TMC7: variants seen among roughly 807,000 people sequenced by gnomAD.
The protein encoded by TMC7 is transmembrane channel like 7.
TMC7 carries 54 observed loss-of-function variants against 82.9 expected under a neutral mutation model. The ratio of observed to expected loss-of-function variants is 0.65; its 90% confidence interval spans 0.52 to 0.82. The LOEUF (loss-of-function observed/expected upper bound fraction) is 0.82, where lower values mean the gene tolerates loss of function less well. Ranked by LOEUF, TMC7 falls within the 40% of genes least tolerant of loss-of-function variation. TMC7 has a pLI of 0.00. For missense variants in TMC7, 820 were observed against 901.2 expected, an observed-to-expected ratio of 0.91 and a Z score of 1.15; for synonymous variants, 350 against 337.9, an observed-to-expected ratio of 1.04 and a Z score of -0.39.
chr16:18,984,037 A>C lies in TMC7; in HGVS notation c.-27A>C. The C allele has an allele frequency of 5.5e-6, 8 of 1,448,054 alleles. No homozygotes were observed. Among genetic ancestry groups the C allele is most frequent in the Non-Finnish European group, 7.2e-6 (8 of 1,107,218 alleles). The allele number at this position is 1,448,054 out of a possible 1,614,324, so 89.7% of individuals were successfully genotyped here. On this transcript the variant is annotated 5_prime_UTR_variant, in exon 1 of 16. Coordinates refer to ENST00000304381, the MANE Select transcript of TMC7 (RefSeq NM_024847.4). ...GCGGCGGCTGGAGAGGGTCCTCGGC[A>C]GCCTCTGAGGAGCGCGGGGCGCGGC...
intron 14 of TMC7, among the ~76,000 whole-genome samples, chr16:19,058,524 C>G (rs1416698736): frequency 6.6e-6 from 1 of 152,178 alleles, no homozygotes; most frequent in Non-Finnish European, 1.5e-5. Flanking sequence ...TAATTACATG[C>G]TCAGCTGACT....
At chr16:19,025,172 A>G (rs1052751597) in intron 5 of TMC7, among the ~76,000 whole-genome samples, 4 of 152,042 alleles carry the variant, frequency 2.6e-5, no homozygotes, top group African/African-American at 9.7e-5. Context: ...CCCTCTTCCA[A>G]CTCTGACAAC....
chr16:19,047,271 G>A (rs1961319611), intron 12 of TMC7, 22 bp downstream of exon 12: 1 of 1,608,546 alleles, frequency 6.2e-7, no homozygotes, highest in South Asian at 1.1e-5. Context: ...GTGGGAATGG[G>A]GGCTCATATA....
chr16:19,035,060 G>A (rs530560357), intron 6 of TMC7, among the ~76,000 whole-genome samples: 2 of 152,294 alleles, frequency 1.3e-5, no homozygotes, highest in Admixed American at 6.6e-5. Context: ...TAAAGAAAAT[G>A]TGGTACACAT....
chr16:19,061,648 C>T, intron 15 of TMC7, 130 bp from the exon 16 acceptor site: 2 of 693,462 alleles, frequency 2.9e-6, no homozygotes, highest in Non-Finnish European at 4.8e-6. Flanking sequence ...GGAGCAGACA[C>T]AATGACAGAC....
chr16:19,003,584 T>C (rs2039180943), intron 1 of TMC7, among the ~76,000 whole-genome samples: 1 of 146,384 alleles, frequency 6.8e-6, no homozygotes, highest in Non-Finnish European at 1.5e-5. Flanking sequence ...CTTTGTGGAA[T>C]AGAAAGGCGG....
At chr16:19,061,752 G>A (rs753133989) in intron 15 of TMC7, 26 bp from the exon 16 acceptor site, 6 of 1,598,948 alleles carry the variant, frequency 3.8e-6, no homozygotes, top group South Asian at 1.1e-5. Context: ...TATATTAAAT[G>A]TACATGTGAA....
intron 1 of TMC7, among the ~76,000 whole-genome samples, chr16:18,990,708 A>G (rs1596712518): frequency 6.6e-6 from 1 of 152,096 alleles, no homozygotes; most frequent in South Asian, 2.1e-4. Flanking sequence ...TCGGGGCAGG[A>G]GGTGGATCTC....
intron 1 of TMC7, among the ~76,000 whole-genome samples, chr16:18,999,282 G>A (rs771370405): frequency 5.9e-5 from 9 of 152,186 alleles, no homozygotes; most frequent in Non-Finnish European, 1.3e-4. Context: ...TTATAGGCAT[G>A]AGCCACTGCA....
intron 12 of TMC7, among the ~76,000 whole-genome samples, chr16:19,047,817 G>A (rs1264345499): frequency 6.7e-6 from 1 of 149,468 alleles, no homozygotes; most frequent in Non-Finnish European, 1.5e-5. Context: ...AGGTTCGAGC[G>A]ATTCTCCTGC....
chr16:19,034,964 C>T (rs553756924), intron 6 of TMC7, among the ~76,000 whole-genome samples: 2 of 152,036 alleles, frequency 1.3e-5, no homozygotes, highest in African/African-American at 4.8e-5. Context: ...ACCAAAAAGA[C>T]ATATGCACTC....
rs1300551359 is a variant in TMC7 at position 19,063,771 on chromosome 16, ATTAAT to A, written c.*1931_*1935del. 4 of 152,130 alleles carry A rather than the reference ATTAAT, an allele frequency of 2.6e-5. No homozygotes were observed. In the South Asian group the frequency reaches 6.2e-4, roughly 24 times the overall value. 9.4% of individuals were successfully genotyped at this position (152,130 alleles called of 1,614,324 possible). A position where few individuals can be genotyped will look rare whatever the true frequency, so the allele number is the denominator to read the frequency against. ...GATACTGAAATATGCTAATTAATAT[ATTAAT>A]TTTAGTTAAATGCTGCTAATATGCA... On this transcript the variant is annotated 3_prime_UTR_variant, in exon 16 of 16. Transcript: ENST00000304381.
At chr16:19,056,830 A>G in intron 14 of TMC7, 133 bp downstream of exon 14, 4 of 1,054,234 alleles carry the variant, frequency 3.8e-6, no homozygotes, top group Non-Finnish European at 5.4e-6. Flanking sequence ...CCATCTCTAA[A>G]ATGGGCATAA....
intron 9 of TMC7, among the ~76,000 whole-genome samples, chr16:19,042,701 G>T (rs34868171): frequency 0.31 from 46,361 of 150,560 alleles, 7,324 homozygotes; most frequent in Non-Finnish European, 0.34. Flanking sequence ...GTAGAGATGG[G>T]CTTTCACCAT....
chr16:18,994,861 C>T (rs561475523), intron 1 of TMC7, among the ~76,000 whole-genome samples: 29 of 152,138 alleles, frequency 1.9e-4, no homozygotes, highest in Admixed American at 8.5e-4. Flanking sequence ...CCTTTTAAAG[C>T]GTGCTGTGAG....
chr16:19,056,074 T>TTTTC (rs571963759), intron 13 of TMC7, among the ~76,000 whole-genome samples: 36 of 151,966 alleles, frequency 2.4e-4, no homozygotes, highest in South Asian at 4.2e-4. Context: ...AGGGTAAGCA[T>TTTTC]TTTCTTTCTT....
At position 19,029,301 on chromosome 16, in the gene TMC7, G is replaced by A. The variant is rs140309115; in HGVS notation, c.712-923G>A. On this transcript the variant is annotated intron_variant, in intron 5 of 15. Transcript: ENST00000304381. Reference sequence around the variant, plus strand: ...ATTACAGGCATGAGCCACCGTGCCCGGCACGAGATTTGCACTTCCTTAGTT... The same window carrying A: ...ATTACAGGCATGAGCCACCGTGCCCAGCACGAGATTTGCACTTCCTTAGTT... 7.2e-5 allele frequency among the ~76,000 whole-genome samples: 11 copies of A among 152,220 alleles called. No individual in the cohort carries two copies. In the South Asian group the frequency reaches 1.4e-3, roughly 20 times the overall value.
chr16:19,044,847 C>T lies in TMC7; in HGVS notation c.1338-37C>T, dbSNP rs1412087426. ...TCCAAGGGACCAGCCACCCTGAGGG[C>T]CTCATCTTCCCATCCTCTCTCCTTC... On this transcript the variant is annotated intron_variant, in intron 9 of 15. Transcript: ENST00000304381. 3.3e-6 allele frequency: 5 copies of T among 1,506,926 alleles called. No individual in the cohort carries two copies. In the South Asian group the frequency reaches 4.5e-5, roughly 14 times the overall value. The allele number at this position is 1,506,926 out of a possible 1,614,324, so 93.3% of individuals were successfully genotyped here. A position where few individuals can be genotyped will look rare whatever the true frequency, so the allele number is the denominator to read the frequency against.
intron 2 of TMC7, among the ~76,000 whole-genome samples, chr16:19,014,595 A>G (rs777072501): frequency 1.3e-5 from 2 of 152,178 alleles, no homozygotes; most frequent in Non-Finnish European, 2.9e-5. Context: ...TCTCGCCTTC[A>G]GGCCCCAGCA....
Sources: gnomAD v4.1 joint callset for allele counts (sites outside exome capture counted in the v4.1 genomes callset) on GRCh38, gnomAD v4.1.1 for gene constraint, MANE v1.5 for transcripts, NCBI Gene and HGNC (gene_info 2026-07-23, HGNC 2026-07-21) for gene names.